The following MTUS2 variants were observed in gnomAD, a reference collection of about 807,000 sequenced individuals.
The protein encoded by MTUS2 is microtubule-associated tumor suppressor candidate 2.
In MTUS2, 40 loss-of-function variants were observed where a neutral mutation model predicts 114.1. The ratio of observed to expected loss-of-function variants is 0.35; its 90% CI spans 0.27 to 0.46. MTUS2 has a LOEUF of 0.46. MTUS2 is among the 20% of genes least tolerant of loss of function. MTUS2 has a pLI of 1.00. For missense variants in MTUS2, 1,679 were observed against 1,705.4 expected (o/e 0.98, Z 0.27); for synonymous variants, 688 against 672.0 (o/e 1.02, Z -0.37).
intron 2 of MTUS2, among the ~76,000 whole-genome samples, chr13:28,995,620 C>T (rs977056055): frequency 2.6e-5 from 4 of 152,062 alleles, no homozygotes; most frequent in South Asian, 2.1e-4. Context: ...CTTCACATCC[C>T]TTGTAAGTTG....
intron 7 of MTUS2, among the ~76,000 whole-genome samples, chr13:29,352,819 A>G (rs375521909): frequency 1.4e-4 from 22 of 152,140 alleles, no homozygotes; most frequent in African/African-American, 5.1e-4. Flanking sequence ...AATTTGTGTC[A>G]CTAATCTTTT....
At chr13:29,111,550 T>A (rs1394093425) in intron 5 of MTUS2, among the ~76,000 whole-genome samples, 2 of 152,204 alleles carry the variant, frequency 1.3e-5, no homozygotes, top group African/African-American at 4.8e-5. Flanking sequence ...GGTCACATTT[T>A]GTCACAACTC....
At position 29,487,910 on chromosome 13, in the gene MTUS2, T is replaced by C. The variant is rs1380655137; in HGVS notation, c.3410T>C (p.Leu1137Pro). 1 of 1,613,784 alleles carries C rather than the reference T, an allele frequency of 6.2e-7. No homozygotes were observed. The highest frequency in any genetic ancestry group is 8.5e-7 in the Non-Finnish European group (1 of 1,179,756). The change falls in exon 11 of 16, where the codon CTC becomes CCC. Residue 1137 changes from leucine (L) to proline (P), a missense_variant. Physicochemically the swap from Leu to Pro is moderately conservative, Grantham distance 98. Around this residue, in one of 3 missense-constraint regions of MTUS2, gnomAD observed 822 missense variants for 899.7 expected, o/e 0.91. Coordinates refer to ENST00000612955, the MANE Select transcript of MTUS2 (RefSeq NM_001033602.4). ...GCGACTCTCCTCCAGGTGGAAGATCTCACCGCCAGCCATGATGCTGCTCTC... is the reference window on the plus strand; with the variant it reads ...GCGACTCTCCTCCAGGTGGAAGATCCCACCGCCAGCCATGATGCTGCTCTC... The part of the protein sequence containing the change: ...RCQHQEQVED[L>P]TASHDAALLE...
chr13:28,894,028 T>C (rs990005399), intron 2 of MTUS2, among the ~76,000 whole-genome samples: 9 of 151,864 alleles, frequency 5.9e-5, no homozygotes, highest in Non-Finnish European at 1.0e-4. Context: ...TAGAGTTGTA[T>C]CATTTTGCTC....
chr13:29,329,304 C>A (rs977620697), intron 7 of MTUS2, among the ~76,000 whole-genome samples: 12 of 151,656 alleles, frequency 7.9e-5, no homozygotes, highest in African/African-American at 2.9e-4. Flanking sequence ...CTGACAGGCC[C>A]GGGCTTGTGA....
intron 4 of MTUS2, among the ~76,000 whole-genome samples, chr13:29,050,263 A>G (rs1566325938): frequency 6.6e-6 from 1 of 152,110 alleles, no homozygotes; most frequent in Non-Finnish European, 1.5e-5. Context: ...AATCAGTTTT[A>G]CCTGTTATGG....
At chr13:28,969,409 C>T (rs999299392) in intron 2 of MTUS2, among the ~76,000 whole-genome samples, 20 of 152,100 alleles carry the variant, frequency 1.3e-4, no homozygotes, top group African/African-American at 4.6e-4. Flanking sequence ...GTGTTGGAAA[C>T]GTTCAGTATC....
chr13:29,270,997 A>G (rs1387135624), intron 5 of MTUS2, among the ~76,000 whole-genome samples: 1 of 152,252 alleles, frequency 6.6e-6, no homozygotes, highest in African/African-American at 2.4e-5. Flanking sequence ...AGAGTTTCAG[A>G]GGCATTCTGC....
At chr13:28,946,711 A>AG (rs1882551873) in intron 2 of MTUS2, among the ~76,000 whole-genome samples, 1 of 151,932 alleles carries the variant, frequency 6.6e-6, no homozygotes, top group Non-Finnish European at 1.5e-5. Context: ...ATTAGACAAC[A>AG]GGGTTTTTTT....
At chr13:29,121,436 TACACACAC>T (rs34032510) in intron 5 of MTUS2, among the ~76,000 whole-genome samples, 3 of 150,218 alleles carry the variant, frequency 2.0e-5, no homozygotes, top group Non-Finnish European at 4.4e-5. Context: ...TGTAATGAAA[TACACACAC>T]ACACACACAC....
At chr13:28,935,075 T>G (rs138633073) in intron 2 of MTUS2, among the ~76,000 whole-genome samples, 5 of 138,440 alleles carry the variant, frequency 3.6e-5, no homozygotes, top group African/African-American at 1.4e-4. Flanking sequence ...ATTGATCAGG[T>G]GCACTTGTGT....
chr13:29,488,833 C>A (rs180699893), intron 11 of MTUS2, among the ~76,000 whole-genome samples: 2 of 152,252 alleles, frequency 1.3e-5, no homozygotes, highest in Non-Finnish European at 2.9e-5. Flanking sequence ...TTGGGTTTTA[C>A]GTGGGTCATA....
At chr13:29,157,090 C>T (rs532457526) in intron 5 of MTUS2, among the ~76,000 whole-genome samples, 1 of 152,274 alleles carries the variant, frequency 6.6e-6, no homozygotes, top group African/African-American at 2.4e-5. Context: ...TTTATTGCTG[C>T]CCAAACTCCA....
At chr13:29,325,540 AAAG>A (rs1214131920) in intron 7 of MTUS2, among the ~76,000 whole-genome samples, 31 of 135,632 alleles carry the variant, frequency 2.3e-4, no homozygotes, top group African/African-American at 7.1e-4. Flanking sequence ...AAGGAGAAGA[AAAG>A]AAGAAGGAAG....
intron 5 of MTUS2, among the ~76,000 whole-genome samples, chr13:29,153,504 G>A (rs1204882898): frequency 6.6e-6 from 1 of 152,126 alleles, no homozygotes; most frequent in Admixed American, 6.5e-5. Flanking sequence ...CGAGGAGGGG[G>A]CAGGAACCTC....
At chr13:29,011,817 G>A (rs1885856210) in intron 2 of MTUS2, among the ~76,000 whole-genome samples, 1 of 152,172 alleles carries the variant, frequency 6.6e-6, no homozygotes, top group African/African-American at 2.4e-5. Context: ...ACTCACCTGT[G>A]CAGTTTATTT....
intron 7 of MTUS2, chr13:29,339,828 G>A (rs1030867752): frequency 4.5e-5 from 7 of 154,306 alleles, no homozygotes; most frequent in Non-Finnish European, 7.2e-5. Context: ...ACCTGGGAGC[G>A]GAGAAGGGGC....
At chr13:29,105,815 T>TG (rs11445168) in intron 5 of MTUS2, among the ~76,000 whole-genome samples, 101,999 of 151,770 alleles carry the variant, frequency 0.67, 34,977 homozygotes, top group Non-Finnish European at 0.74. Flanking sequence ...TAATTTCTGA[T>TG]GAGGATATCA....
chr13:29,465,454 G>T (rs1269156416), intron 9 of MTUS2, among the ~76,000 whole-genome samples: 1 of 152,228 alleles, frequency 6.6e-6, no homozygotes. Context: ...AGCACTGGGA[G>T]AAATGCCATA....
Sources: allele counts gnomAD v4.1 joint callset (sites outside exome capture counted in the v4.1 genomes callset), GRCh38; gene constraint gnomAD v4.1.1; regional missense constraint gnomAD v4.1.1; transcripts MANE v1.5; gene names NCBI Gene and HGNC (gene_info 2026-07-23, HGNC 2026-07-21).